Variants in ADGRV1 observed in about 807,000 individuals in gnomAD.
ADGRV1 encodes the protein adhesion G protein-coupled receptor V1, also known as G-protein coupled receptor 98.
Under a neutral mutation model 596.2 loss-of-function variants are expected in ADGRV1, and 359 were observed. That is an observed-to-expected ratio of 0.60 (90% CI 0.55 to 0.66). The LOEUF (loss-of-function observed/expected upper bound fraction) is 0.66. Ranked by LOEUF, ADGRV1 falls within the 30% of genes least tolerant of loss-of-function variation. The pLI is 0.00. For missense variants in ADGRV1, 7,274 were observed against 7,575.6 expected, an observed-to-expected ratio of 0.96 and a Z score of 1.48; for synonymous variants, 2,681 against 2,679.2, an observed-to-expected ratio of 1.00 and a Z score of -0.02.
chr5:90,563,976 A>G (rs1755206392), intron 1 of ADGRV1, among the ~76,000 whole-genome samples: 1 of 152,218 alleles, frequency 6.6e-6, no homozygotes, highest in South Asian at 2.1e-4. Context: ...ATGGACCAGC[A>G]ATTCAGTGTA....
In ADGRV1 at chr5:90,778,973, G is replaced by A. The variant is rs2150081696; in HGVS notation, c.12958G>A (p.Gly4320Arg). The A allele has an allele frequency of 6.2e-7, 1 of 1,613,552 alleles. No individual in the cohort carries two copies. The highest frequency in any genetic ancestry group is 2.2e-5 in the East Asian group (1 of 44,862). Reference protein sequence around the residue: ...EAGLDFVPAAGELLFEAGEMR... With the variant: ...EAGLDFVPAARELLFEAGEMR... ...AGGCTTGGATTTTGTTCCTGCAGCA[G>A]GGGAGCTCCTCTTTGAAGCAGGGGA... Residue 4320 changes from glycine (G) to arginine (R), a missense_variant, in exon 64 of 90, where the codon GGG becomes AGG. Physicochemically the swap from Gly to Arg is moderately radical, Grantham distance 125 (BLOSUM62 -2). Around this residue, in one of 5 missense-constraint regions of ADGRV1, gnomAD observed 3,643 missense variants for 3,809.2 expected, o/e 0.96. Coordinates refer to ENST00000405460, the MANE Select transcript of ADGRV1 (RefSeq NM_032119.4).
In ADGRV1 at chr5:90,652,518, C is replaced by G; in HGVS notation, c.3589C>G (p.Pro1197Ala). The G allele has an allele frequency of 6.2e-7, 1 of 1,612,410 alleles. No homozygotes were observed. The highest frequency in any genetic ancestry group is 1.1e-5 in the South Asian group (1 of 90,788). ...TCTCCATGCTTTTCCAGATAAAATT[C>G]CTGAATTCAATGAATTTTATTTCCT... Reference protein sequence around the residue: ...IILHAFPDKIPEFNEFYFLKL... With the variant: ...IILHAFPDKIAEFNEFYFLKL... The change falls in exon 19 of 90, where the codon CCT (proline) becomes GCT (alanine). Residue 1197 changes from proline to alanine, a missense_variant. Pro to Ala is a conservative substitution (Grantham distance 27). Coordinates refer to ENST00000405460, the MANE Select transcript of ADGRV1 (RefSeq NM_032119.4).
intron 83 of ADGRV1, chr5:90,929,096 C>T (rs370269091): frequency 6.6e-6 from 1 of 151,792 alleles, no homozygotes; most frequent in Non-Finnish European, 1.5e-5. Flanking sequence ...TTTGTCTGTG[C>T]CCTGCCCCCA....
At position 90,629,359 on chromosome 5, in the gene ADGRV1, G is replaced by A; in HGVS notation, c.1659G>A (p.Leu553=). The change falls in exon 9 of 90, where the codon TTG becomes TTA. Residue 553 remains leucine, a synonymous_variant. Transcript: ENST00000405460. ...GAGGGACTAAAGGAGATGTGAGGTTGCTTTATTCTGTACTTTACATTCCTG... is the reference window on the plus strand; with the variant it reads ...GAGGGACTAAAGGAGATGTGAGGTTACTTTATTCTGTACTTTACATTCCTG... The part of the protein sequence containing the change: ...RLGGTKGDVR[L]LYSVLYIPAG... The A allele has an allele frequency of 6.2e-7, 1 of 1,613,650 alleles. No homozygotes were observed. The highest frequency in any genetic ancestry group is 8.5e-7 in the Non-Finnish European group (1 of 1,179,814).
intron 1 of ADGRV1, among the ~76,000 whole-genome samples, chr5:90,574,381 T>TTG (rs1277008117): frequency 6.6e-6 from 1 of 152,160 alleles, no homozygotes; most frequent in Non-Finnish European, 1.5e-5. Flanking sequence ...CTTGGTTAGC[T>TTG]GTATTCTTAG....
chr5:90,875,063 C>T (rs1414805422), intron 83 of ADGRV1, among the ~76,000 whole-genome samples: 4 of 152,008 alleles, frequency 2.6e-5, no homozygotes, highest in African/African-American at 9.7e-5. Flanking sequence ...GCCTGTAACC[C>T]CAGCTACTGG....
chr5:90,681,046 A>G (rs1744859960), intron 26 of ADGRV1, among the ~76,000 whole-genome samples: 1 of 152,232 alleles, frequency 6.6e-6, no homozygotes, highest in African/African-American at 2.4e-5. Flanking sequence ...TCTTTCATAG[A>G]GAAGAAAAAG....
At chr5:91,050,522 T>G (rs6861614) in intron 85 of ADGRV1, among the ~76,000 whole-genome samples, 35,804 of 152,150 alleles carry the variant, frequency 0.24, 4,532 homozygotes, top group Non-Finnish European at 0.28. Context: ...GTATCTGTGT[T>G]GGATTCTGGC....
chr5:90,912,793 C>T (rs1471797792), intron 83 of ADGRV1, among the ~76,000 whole-genome samples: 1 of 152,090 alleles, frequency 6.6e-6, no homozygotes, highest in Non-Finnish European at 1.5e-5. Context: ...TGTAGAAGTA[C>T]CACATTTTCT....
intron 74 of ADGRV1, among the ~76,000 whole-genome samples, chr5:90,812,260 T>A (rs1381026019): frequency 1.3e-5 from 2 of 152,176 alleles, no homozygotes; most frequent in African/African-American, 4.8e-5. Flanking sequence ...ATGAAATACA[T>A]CAGCATGTCA....
intron 87 of ADGRV1, among the ~76,000 whole-genome samples, chr5:91,106,611 G>T (rs1791897746): frequency 6.6e-6 from 1 of 152,156 alleles, no homozygotes; most frequent in Admixed American, 6.5e-5. Flanking sequence ...AGGAGCATGA[G>T]ATAACTATTA....
intron 53 of ADGRV1, among the ~76,000 whole-genome samples, chr5:90,752,773 G>A (rs749667544): frequency 3.3e-5 from 5 of 152,088 alleles, no homozygotes; most frequent in African/African-American, 7.2e-5. Flanking sequence ...AACACTCTTC[G>A]CAATAGCAAA....
chr5:90,685,865 T>G lies in ADGRV1; in HGVS notation c.6360T>G (p.Leu2120=). ...CCAATGATGATGCATTTGGAACTCTTCAGCTCTCAGCACCAATTGTCCGAG... is the reference window on the plus strand; with the variant it reads ...CCAATGATGATGCATTTGGAACTCTGCAGCTCTCAGCACCAATTGTCCGAG... The part of the protein sequence containing the change: ...IIANDDAFGT[L]QLSAPIVRVA... The change falls in exon 29 of 90, where the codon CTT becomes CTG. Residue 2120 remains leucine (L), a synonymous_variant. Transcript: ENST00000405460. The G allele has an allele frequency of 1.2e-6, 2 of 1,612,424 alleles. No individual in the cohort carries two copies. The highest frequency in any genetic ancestry group is 1.1e-5 in the South Asian group (1 of 90,858).
At chr5:90,762,195 CTATTTTTTTCTT>C (rs1327711888) in intron 58 of ADGRV1, among the ~76,000 whole-genome samples, 1 of 152,102 alleles carries the variant, frequency 6.6e-6, no homozygotes, top group Non-Finnish European at 1.5e-5. Flanking sequence ...TGGATTTTCT[CTATTTTTTTCTT>C]ACTAAATTTC....
intron 8 of ADGRV1, 86 bp downstream of exon 8, chr5:90,628,918 G>C: frequency 7.9e-7 from 1 of 1,259,318 alleles, no homozygotes; most frequent in Non-Finnish European, 1.1e-6. Flanking sequence ...TCAACTTTAT[G>C]TTTAGTTTGA....
intron 87 of ADGRV1, among the ~76,000 whole-genome samples, chr5:91,137,586 C>T (rs1582172909): frequency 6.6e-6 from 1 of 152,278 alleles, no homozygotes; most frequent in African/African-American, 2.4e-5. Flanking sequence ...GAATAGTATA[C>T]AACATTATTT....
At chr5:90,784,649 G>A (rs1759225234) in intron 67 of ADGRV1, among the ~76,000 whole-genome samples, 1 of 152,118 alleles carries the variant, frequency 6.6e-6, no homozygotes, top group African/African-American at 2.4e-5. Flanking sequence ...GGTTCATGTG[G>A]TCGGGGCCTG....
chr5:90,719,190 T>G (rs1750575082), intron 43 of ADGRV1, among the ~76,000 whole-genome samples: 1 of 151,652 alleles, frequency 6.6e-6, no homozygotes, highest in Non-Finnish European at 1.5e-5. Flanking sequence ...ACTAGCTGGG[T>G]GTAGTGGTGT....
intron 54 of ADGRV1, 64 bp from the exon 55 acceptor site, chr5:90,754,919 T>A (rs1371003070): frequency 8.7e-7 from 1 of 1,150,024 alleles, no homozygotes; most frequent in Non-Finnish European, 1.3e-6. Flanking sequence ...CCACTCTAGG[T>A]CCTTGTAACA....
Sources: gnomAD v4.1 joint callset for allele counts (sites outside exome capture counted in the v4.1 genomes callset) on GRCh38, gnomAD v4.1.1 for gene constraint, gnomAD v4.1.1 regional missense constraint, MANE v1.5 for transcripts, NCBI Gene and HGNC (gene_info 2026-07-23, HGNC 2026-07-21) for gene names.